The following ZRANB3 variants were observed in gnomAD, a reference collection of about 807,000 sequenced individuals.
ZRANB3 encodes the protein zinc finger RANBP2-type containing 3, also known as DNA annealing helicase and endonuclease ZRANB3.
In ZRANB3, 125 loss-of-function variants were observed where a neutral mutation model predicts 133.8. The observed-to-expected ratio is 0.93, with a 90% CI of 0.81 to 1.08. ZRANB3 has a LOEUF of 1.08. ZRANB3 is among the 50% of genes least tolerant of loss of function. The pLI, the probability that ZRANB3 is intolerant of heterozygous loss-of-function variation, is 0.00. For missense variants in ZRANB3, 1,229 were observed against 1,275.5 expected (o/e 0.96, Z 0.56); for synonymous variants, 387 against 432.7 (o/e 0.89, Z 1.31).
intron 1 of ZRANB3, among the ~76,000 whole-genome samples, chr2:135,527,764 T>TA (rs1428601217): frequency 2.0e-5 from 3 of 152,144 alleles, no homozygotes; most frequent in African/African-American, 7.2e-5. Context: ...TTTTTCAATT[T>TA]AAAAAAAGCA....
intron 2 of ZRANB3, among the ~76,000 whole-genome samples, chr2:135,438,439 A>AGG (rs1689640555): frequency 6.7e-6 from 1 of 150,018 alleles, no homozygotes; most frequent in Non-Finnish European, 1.5e-5. Flanking sequence ...CAGGAGGCAG[A>AGG]GGGTGCAGTG....
chr2:135,210,395 C>T (rs1295124279), intron 17 of ZRANB3, among the ~76,000 whole-genome samples: 1 of 152,104 alleles, frequency 6.6e-6, no homozygotes, highest in Non-Finnish European at 1.5e-5. Flanking sequence ...AGTGCAATGA[C>T]ACTATCTCAG....
At chr2:135,430,346 G>A (rs556632710) in intron 2 of ZRANB3, among the ~76,000 whole-genome samples, 34 of 151,864 alleles carry the variant, frequency 2.2e-4, no homozygotes, top group African/African-American at 8.0e-4. Flanking sequence ...CATATGTTAA[G>A]GATACTAATG....
Position 135,487,858 on chromosome 2 carries a change from G to A in ZRANB3, c.161+16471C>T, listed in dbSNP as rs374650404. Among the ~76,000 whole-genome samples, 96 of 152,254 alleles carry A rather than the reference G, an allele frequency of 6.3e-4. 1 individual carries two copies. The highest frequency in any genetic ancestry group is 2.0e-3 in the African/African-American group (82 of 41,544). On this transcript the variant is annotated intron_variant, in intron 2 of 20. Coordinates refer to ENST00000264159, the MANE Select transcript of ZRANB3 (RefSeq NM_032143.4). ...TGTTTTGCTTTCTTATCTCTCATTT[G>A]TATACTGGAGGAGTACATTTAATTT...
chr2:135,346,479 T>C (rs1259132002), intron 5 of ZRANB3, among the ~76,000 whole-genome samples: 1 of 152,190 alleles, frequency 6.6e-6, no homozygotes, highest in African/African-American at 2.4e-5. Flanking sequence ...TATATAGGTA[T>C]AGTACATATA....
intron 2 of ZRANB3, among the ~76,000 whole-genome samples, chr2:135,419,937 T>G (rs1474677516): frequency 6.6e-6 from 1 of 151,556 alleles, no homozygotes; most frequent in South Asian, 2.1e-4. Context: ...TTGTCTTTGA[T>G]AGGGTTTTTA....
chr2:135,308,434 T>C (rs1682804946), intron 8 of ZRANB3, among the ~76,000 whole-genome samples: 1 of 152,192 alleles, frequency 6.6e-6, no homozygotes, highest in African/African-American at 2.4e-5. Context: ...AGTTTTGAAC[T>C]TCTGCTCCAC....
intron 8 of ZRANB3, among the ~76,000 whole-genome samples, chr2:135,308,746 G>T (rs1573881586): frequency 1.3e-5 from 2 of 152,170 alleles, no homozygotes; most frequent in East Asian, 1.9e-4. Flanking sequence ...GATTACAGAT[G>T]TAAGCCACCA....
intron 2 of ZRANB3, among the ~76,000 whole-genome samples, chr2:135,432,924 T>C (rs1250013672): frequency 1.3e-5 from 2 of 152,202 alleles, no homozygotes; most frequent in African/African-American, 4.8e-5. Context: ...CATGGCTATT[T>C]GGCATTAGGA....
At chr2:135,408,210 A>G (rs1376323981) in intron 2 of ZRANB3, among the ~76,000 whole-genome samples, 2 of 152,190 alleles carry the variant, frequency 1.3e-5, no homozygotes, top group African/African-American at 4.8e-5. Context: ...TGCAGCCAAA[A>G]GACACATGAA....
At chr2:135,444,893 T>C (rs1689946298) in intron 2 of ZRANB3, among the ~76,000 whole-genome samples, 1 of 152,170 alleles carries the variant, frequency 6.6e-6, no homozygotes. Flanking sequence ...CAAATTATGC[T>C]AATAGTTTTG....
At chr2:135,422,205 A>G (rs1688887523) in intron 2 of ZRANB3, among the ~76,000 whole-genome samples, 1 of 152,060 alleles carries the variant, frequency 6.6e-6, no homozygotes, top group East Asian at 1.9e-4. Context: ...TGCTCCCCTT[A>G]TAAGATAAAT....
At chr2:135,228,939 TGG>T (rs1248016702) in intron 13 of ZRANB3, among the ~76,000 whole-genome samples, 9 of 152,208 alleles carry the variant, frequency 5.9e-5, no homozygotes, top group Non-Finnish European at 8.8e-5. Flanking sequence ...TTGTTGCTCT[TGG>T]TATTGCAAAG....
intron 12 of ZRANB3, among the ~76,000 whole-genome samples, chr2:135,231,552 G>A (rs1268150981): frequency 6.6e-6 from 1 of 152,114 alleles, no homozygotes; most frequent in Non-Finnish European, 1.5e-5. Context: ...CTGAGCCCAG[G>A]AGTTCAAGAC....
At chr2:135,446,579 A>G (rs1019825077) in intron 2 of ZRANB3, among the ~76,000 whole-genome samples, 1 of 152,240 alleles carries the variant, frequency 6.6e-6, no homozygotes, top group African/African-American at 2.4e-5. Context: ...ACGGGCATAC[A>G]GGAACAAGCT....
chr2:135,470,452 G>A (rs961919052), intron 2 of ZRANB3, among the ~76,000 whole-genome samples: 1 of 152,238 alleles, frequency 6.6e-6, no homozygotes, highest in Non-Finnish European at 1.5e-5. Context: ...TTGGGAGGCC[G>A]AGGCAGGTGG....
chr2:135,530,949 C>T (rs1694561598), intron 1 of ZRANB3, among the ~76,000 whole-genome samples, 178 bp downstream of exon 1: 1 of 152,166 alleles, frequency 6.6e-6, no homozygotes, highest in Non-Finnish European at 1.5e-5. Context: ...ATCACCCCGC[C>T]CTCCGCCACT....
chr2:135,415,101 A>C (rs1688496121), intron 2 of ZRANB3, among the ~76,000 whole-genome samples: 1 of 150,672 alleles, frequency 6.6e-6, no homozygotes, highest in East Asian at 2.0e-4. Context: ...AAATAACTAA[A>C]ATCAGAGCAG....
intron 2 of ZRANB3, among the ~76,000 whole-genome samples, chr2:135,449,237 C>T (rs911129920): frequency 1.3e-5 from 2 of 152,166 alleles, no homozygotes; most frequent in Non-Finnish European, 2.9e-5. Flanking sequence ...AAAGATGACA[C>T]CATCCAATAC....
Sources: gnomAD v4.1 joint callset for allele counts (sites outside exome capture counted in the v4.1 genomes callset) on GRCh38, gnomAD v4.1.1 for gene constraint, MANE v1.5 for transcripts, NCBI Gene and HGNC (gene_info 2026-07-23, HGNC 2026-07-21) for gene names.